The following CACNA1E variants were observed in gnomAD, a reference collection of about 807,000 sequenced individuals.
CACNA1E encodes calcium voltage-gated channel subunit alpha1 E.
CACNA1E carries 40 observed loss-of-function variants against 259.2 expected under a neutral mutation model. That is an observed-to-expected ratio of 0.15 (90% CI 0.12 to 0.20). The LOEUF (loss-of-function observed/expected upper bound fraction) is 0.20, where lower values mean the gene tolerates loss of function less well. CACNA1E is among the 10% of genes least tolerant of loss of function. The pLI, the probability that CACNA1E is intolerant of heterozygous loss-of-function variation, is 1.00. For synonymous variants in CACNA1E, 1,104 were observed against 1,138.5 expected (o/e 0.97, Z 0.61); for missense variants, 1,874 against 3,040.1 (o/e 0.62, Z 9.02).
At chr1:181,567,052 C>T (rs1649909456) in intron 3 of CACNA1E, among the ~76,000 whole-genome samples, 6 of 152,046 alleles carry the variant, frequency 3.9e-5, no homozygotes, top group Admixed American at 3.9e-4. Context: ...ACATCTTCTT[C>T]TTAGTGTGGT....
At chr1:181,648,910 C>G (rs1658521105) in intron 6 of CACNA1E, among the ~76,000 whole-genome samples, 1 of 152,198 alleles carries the variant, frequency 6.6e-6, no homozygotes, top group Non-Finnish European at 1.5e-5. Flanking sequence ...GGTTTGGCCA[C>G]TGGCTAAGCC....
chr1:181,469,025 T>C (rs550212805), intron 2 of CACNA1E, among the ~76,000 whole-genome samples: 2 of 152,270 alleles, frequency 1.3e-5, no homozygotes, highest in South Asian at 4.1e-4. Flanking sequence ...AACTCATTCA[T>C]TCATTCAACA....
At chr1:181,586,173 AAGC>A (rs1424824870) in intron 6 of CACNA1E, among the ~76,000 whole-genome samples, 1 of 152,204 alleles carries the variant, frequency 6.6e-6, no homozygotes, top group Non-Finnish European at 1.5e-5. Flanking sequence ...GTTTGGGAGA[AAGC>A]AGCAAGAAGA....
At chr1:181,565,576 G>A (rs1649737818) in intron 3 of CACNA1E, among the ~76,000 whole-genome samples, 1 of 152,204 alleles carries the variant, frequency 6.6e-6, no homozygotes, top group Non-Finnish European at 1.5e-5. Context: ...CCCTGATCCT[G>A]TTAACTGTGG....
chr1:181,535,868 G>T (rs1393917839), intron 3 of CACNA1E, among the ~76,000 whole-genome samples: 1 of 151,882 alleles, frequency 6.6e-6, no homozygotes, highest in Non-Finnish European at 1.5e-5. Context: ...TGTATTTTTA[G>T]TAGAGATGGG....
chr1:181,422,527 T>G (rs1392387353), intron 2 of CACNA1E, among the ~76,000 whole-genome samples: 1 of 152,192 alleles, frequency 6.6e-6, no homozygotes, highest in East Asian at 1.9e-4. Context: ...GTTGGTTAAC[T>G]TACAGGTTGT....
Position 181,785,779 on chromosome 1 carries a change from A to C in CACNA1E, c.5746A>C (p.Lys1916Gln). 6 of 1,612,926 alleles carry C rather than the reference A, an allele frequency of 3.7e-6. No homozygotes were observed. The highest frequency in any genetic ancestry group is 5.1e-6 in the Non-Finnish European group (6 of 1,179,640). ...GCCTCAGGAGATCATTGCTAATGCCAAAGCCCTGCCTTACCTCCAGCAGGA... is the reference window on the plus strand; with the variant it reads ...GCCTCAGGAGATCATTGCTAATGCCCAAGCCCTGCCTTACCTCCAGCAGGA... The part of the protein sequence containing the change: ...SLPQEIIANA[K>Q]ALPYLQQDPV... The change falls in exon 43 of 48, where the codon AAA becomes CAA. Residue 1916 changes from lysine to glutamine, a missense_variant. Transcript: ENST00000367573.
chr1:181,328,070 CTTTG>C (rs1296393733), intron 1 of CACNA1E, among the ~76,000 whole-genome samples: 4 of 152,198 alleles, frequency 2.6e-5, no homozygotes, highest in African/African-American at 7.2e-5. Flanking sequence ...AAGCAAGTGT[CTTTG>C]TTTGAGCTGC....
At chr1:181,608,711 C>T (rs1401526878) in intron 6 of CACNA1E, among the ~76,000 whole-genome samples, 5 of 152,160 alleles carry the variant, frequency 3.3e-5, no homozygotes, top group East Asian at 1.9e-4. Context: ...TTGCTTTGCT[C>T]GATGCCACCT....
chr1:181,720,072 T>A, intron 13 of CACNA1E, 134 bp from the exon 14 acceptor site: 1 of 1,079,168 alleles, frequency 9.3e-7, no homozygotes, highest in South Asian at 1.6e-5. Context: ...GAGCAATAGG[T>A]TTCTGCCCTC....
chr1:181,720,023 A>G (rs1264466450), intron 13 of CACNA1E, among the ~76,000 whole-genome samples, 160 bp downstream of exon 13: 1 of 151,952 alleles, frequency 6.6e-6, no homozygotes, highest in East Asian at 1.9e-4. Flanking sequence ...TTCTCCAAAG[A>G]TTAAACCAAA....
At chr1:181,343,246 A>G (rs918524219) in intron 1 of CACNA1E, among the ~76,000 whole-genome samples, 2 of 152,066 alleles carry the variant, frequency 1.3e-5, no homozygotes, top group Non-Finnish European at 2.9e-5. Flanking sequence ...AGAGGCTGAT[A>G]TGGGCTGGAT....
intron 3 of CACNA1E, among the ~76,000 whole-genome samples, chr1:181,575,318 G>A (rs531173051): frequency 7.2e-5 from 11 of 152,140 alleles, no homozygotes; most frequent in East Asian, 1.9e-4. Flanking sequence ...GGTGACATGC[G>A]CATACCTCAT....
rs1341268458 is a variant in CACNA1E at position 181,800,980 on chromosome 1, G to A, written c.*2146G>A. The A allele has an allele frequency of 6.6e-6, 1 of 152,656 alleles. No individual in the cohort carries two copies. Among genetic ancestry groups the A allele is most frequent in the Non-Finnish European group, 1.5e-5 (1 of 68,048 alleles). 9.5% of individuals were successfully genotyped at this position (152,656 alleles called of 1,614,324 possible). A position where few individuals can be genotyped will look rare whatever the true frequency, so the allele number is the denominator to read the frequency against. On this transcript the variant is annotated 3_prime_UTR_variant, in exon 48 of 48. Transcript: ENST00000367573. ...ACTTAGCACATGTGTGCTTGAGGGT[G>A]GCTGGGAATGTGATATACAGCACCC...
At chr1:181,382,977 A>G (rs1043136854) in intron 1 of CACNA1E, among the ~76,000 whole-genome samples, 1 of 152,142 alleles carries the variant, frequency 6.6e-6, no homozygotes, top group African/African-American at 2.4e-5. Context: ...ACAGCCAGCC[A>G]TCTTGTCTTA....
intron 6 of CACNA1E, among the ~76,000 whole-genome samples, chr1:181,595,995 C>T (rs1653120065): frequency 6.6e-6 from 1 of 152,086 alleles, no homozygotes; most frequent in African/African-American, 2.4e-5. Flanking sequence ...ATTTGTCTTA[C>T]GACTTCCATT....
intron 1 of CACNA1E, among the ~76,000 whole-genome samples, chr1:181,406,821 A>AT (rs1329780338): frequency 6.6e-6 from 1 of 151,984 alleles, no homozygotes; most frequent in African/African-American, 2.4e-5. Flanking sequence ...CCTAACTTCT[A>AT]TTTTTTTGCC....
intron 2 of CACNA1E, among the ~76,000 whole-genome samples, chr1:181,461,263 C>T (rs939140510): frequency 1.3e-5 from 2 of 152,110 alleles, no homozygotes; most frequent in African/African-American, 2.4e-5. Context: ...AGTGTTGGGC[C>T]GGGCGCAGTG....
chr1:181,427,559 C>A (rs1408268688), intron 2 of CACNA1E, among the ~76,000 whole-genome samples: 4 of 140,478 alleles, frequency 2.8e-5, no homozygotes, highest in Non-Finnish European at 6.2e-5. Flanking sequence ...AACTTCAACC[C>A]CTCCCCCACC....
Sources: gnomAD v4.1 joint callset for allele counts (sites outside exome capture counted in the v4.1 genomes callset) on GRCh38, gnomAD v4.1.1 for gene constraint, MANE v1.5 for transcripts, NCBI Gene and HGNC (gene_info 2026-07-23, HGNC 2026-07-21) for gene names.